CNTNAP5: variants seen among roughly 807,000 people sequenced by gnomAD.
CNTNAP5 encodes the protein contactin-associated protein-like 5.
In CNTNAP5, 72 loss-of-function variants were observed where a neutral mutation model predicts 150.2. That is an observed-to-expected ratio of 0.48 (90% confidence interval 0.40 to 0.58). CNTNAP5 has a LOEUF of 0.58. Ranked by LOEUF, CNTNAP5 falls within the 20% of genes least tolerant of loss-of-function variation. CNTNAP5 has a pLI of 0.00. For synonymous variants in CNTNAP5, 672 were observed against 619.8 expected (o/e 1.08, Z -1.25); for missense variants, 1,636 against 1,626.2 (o/e 1.01, Z -0.10).
At chr2:124,035,024 T>TC (rs1558732455) in intron 1 of CNTNAP5, among the ~76,000 whole-genome samples, 1 of 47,248 alleles carries the variant, frequency 2.1e-5, no homozygotes, top group Non-Finnish European at 4.5e-5. Flanking sequence ...CTCCCTCCCT[T>TC]CCTTCCTTCC....
rs1025693957 is a variant in CNTNAP5 at position 124,139,888 on chromosome 2, G to T, written c.83-81817G>T. 1.9e-4 allele frequency among the ~76,000 whole-genome samples: 29 copies of T among 152,278 alleles called. No homozygotes were observed. The East Asian group carries it at 2.7e-3, about 14-fold the overall frequency. On this transcript the variant is annotated intron_variant, in intron 1 of 23. Transcript: ENST00000682447. ...TTCCATCTGAGGTACCGGGTTCATCGCACTAGGGAGTGCCAGACAGTGGGC... is the reference window on the plus strand; with the variant it reads ...TTCCATCTGAGGTACCGGGTTCATCTCACTAGGGAGTGCCAGACAGTGGGC...
chr2:124,167,498 C>T (rs1311276405), intron 1 of CNTNAP5, among the ~76,000 whole-genome samples: 1 of 152,178 alleles, frequency 6.6e-6, no homozygotes, highest in African/African-American at 2.4e-5. Flanking sequence ...AAACACTTTT[C>T]TCACTGTGTT....
intron 13 of CNTNAP5, among the ~76,000 whole-genome samples, chr2:124,660,048 AAGG>A (rs1470731654): frequency 2.2e-5 from 1 of 46,344 alleles, no homozygotes; most frequent in Non-Finnish European, 4.0e-5. Context: ...GGAAGAAAGG[AAGG>A]AAGGAAGGAA....
At chr2:124,125,034 A>T (rs1683653567) in intron 1 of CNTNAP5, among the ~76,000 whole-genome samples, 1 of 152,154 alleles carries the variant, frequency 6.6e-6, no homozygotes, top group African/African-American at 2.4e-5. Flanking sequence ...GCTAAATCAA[A>T]ATAACGGGAT....
At chr2:124,454,658 A>G (rs1039692787) in intron 6 of CNTNAP5, among the ~76,000 whole-genome samples, 10 of 152,186 alleles carry the variant, frequency 6.6e-5, no homozygotes, top group Admixed American at 6.5e-4. Flanking sequence ...ATGAACCTCA[A>G]TAAATTCAAG....
intron 4 of CNTNAP5, among the ~76,000 whole-genome samples, chr2:124,432,883 A>C (rs557259733): frequency 6.6e-6 from 1 of 152,216 alleles, no homozygotes; most frequent in Admixed American, 6.5e-5. Context: ...CTGTTATTTC[A>C]ATTACTACTA....
At chr2:124,039,861 G>A (rs964895259) in intron 1 of CNTNAP5, among the ~76,000 whole-genome samples, 5 of 152,134 alleles carry the variant, frequency 3.3e-5, no homozygotes, top group African/African-American at 1.2e-4. Context: ...ACATATATAT[G>A]CATGCTCAGA....
chr2:124,441,207 C>T (rs927032106), intron 5 of CNTNAP5, among the ~76,000 whole-genome samples: 1 of 152,008 alleles, frequency 6.6e-6, no homozygotes, highest in Non-Finnish European at 1.5e-5. Flanking sequence ...TCCATATGTG[C>T]TCCTTTTTGG....
intron 17 of CNTNAP5, 80 bp from the exon 18 acceptor site, chr2:124,789,822 C>G: frequency 7.5e-6 from 10 of 1,338,162 alleles, no homozygotes; most frequent in Non-Finnish European, 1.0e-5. Flanking sequence ...CTACTTAACT[C>G]TTACCCATGC....
intron 3 of CNTNAP5, among the ~76,000 whole-genome samples, chr2:124,320,997 T>C (rs1689084085): frequency 1.3e-5 from 2 of 152,194 alleles, no homozygotes; most frequent in Admixed American, 1.3e-4. Flanking sequence ...GGAGTCGCTA[T>C]GTTCCAGGGC....
chr2:124,829,601 A>T (rs1052210963), intron 19 of CNTNAP5, among the ~76,000 whole-genome samples: 2 of 135,744 alleles, frequency 1.5e-5, no homozygotes, highest in African/African-American at 7.3e-5. Context: ...TTAGAAATTA[A>T]AAAAAAAAAT....
At chr2:124,673,217 A>G (rs1353640085) in intron 13 of CNTNAP5, among the ~76,000 whole-genome samples, 3 of 147,368 alleles carry the variant, frequency 2.0e-5, no homozygotes, top group Non-Finnish European at 3.0e-5. Context: ...AGTCGAGTAC[A>G]CAATCTTAAA....
At chr2:124,154,384 G>C (rs1322674643) in intron 1 of CNTNAP5, among the ~76,000 whole-genome samples, 1 of 152,130 alleles carries the variant, frequency 6.6e-6, no homozygotes, top group Non-Finnish European at 1.5e-5. Flanking sequence ...CAAAATGGGT[G>C]CTATGAGCTG....
At chr2:124,563,973 C>T (rs1695951329) in intron 11 of CNTNAP5, among the ~76,000 whole-genome samples, 1 of 152,192 alleles carries the variant, frequency 6.6e-6, no homozygotes, top group Non-Finnish European at 1.5e-5. Flanking sequence ...GAAGTGCAAT[C>T]TTGCCGTGGA....
chr2:124,035,000 T>G, intron 1 of CNTNAP5, among the ~76,000 whole-genome samples: 1 of 66,438 alleles, frequency 1.5e-5, no homozygotes, highest in Non-Finnish European at 3.0e-5. Flanking sequence ...CTCCCTCCCC[T>G]CCCCTCCCCT....
intron 1 of CNTNAP5, among the ~76,000 whole-genome samples, chr2:124,210,708 A>C (rs1007219040): frequency 3.3e-5 from 5 of 152,176 alleles, no homozygotes; most frequent in African/African-American, 1.2e-4. Context: ...TCTCTTGCCC[A>C]AAACAGTATT....
chr2:124,479,621 A>G (rs1273432724), intron 7 of CNTNAP5, among the ~76,000 whole-genome samples: 2 of 152,208 alleles, frequency 1.3e-5, no homozygotes, highest in Admixed American at 1.3e-4. Flanking sequence ...GAATCAGGGA[A>G]TTGGATGGGC....
intron 1 of CNTNAP5, among the ~76,000 whole-genome samples, chr2:124,064,739 T>C (rs1269192640): frequency 6.6e-6 from 1 of 152,166 alleles, no homozygotes; most frequent in Non-Finnish European, 1.5e-5. Context: ...TGACTACCAC[T>C]GGGCTTCAGC....
At chr2:124,469,746 C>T (rs1472074132) in intron 6 of CNTNAP5, among the ~76,000 whole-genome samples, 1 of 152,188 alleles carries the variant, frequency 6.6e-6, no homozygotes. Context: ...CTTCCACAGG[C>T]CCCACTGTGA....
Sources: allele counts gnomAD v4.1 joint callset (sites outside exome capture counted in the v4.1 genomes callset), GRCh38; gene constraint gnomAD v4.1.1; transcripts MANE v1.5; gene names NCBI Gene and HGNC (gene_info 2026-07-23, HGNC 2026-07-21).